DOK6: variants seen among roughly 807,000 people sequenced by gnomAD.
The protein encoded by DOK6 is docking protein 6.
In DOK6, 22 loss-of-function variants were observed where a neutral mutation model predicts 44.0. That is an observed-to-expected ratio of 0.50 (90% confidence interval 0.36 to 0.71). DOK6 has a LOEUF of 0.71. Among genes scored for constraint, DOK6 ranks in the 30% least tolerant of loss-of-function variants. DOK6 has a pLI of 0.00. For missense variants in DOK6, 340 were observed against 416.4 expected (o/e 0.82, Z 1.60); for synonymous variants, 166 against 145.5 (o/e 1.14, Z -1.01).
intron 2 of DOK6, among the ~76,000 whole-genome samples, chr18:69,588,703 G>T (rs1442937436): frequency 3.3e-5 from 5 of 152,106 alleles, no homozygotes; most frequent in African/African-American, 1.2e-4. Context: ...AACAAAATCA[G>T]GTTCTGGTAA....
chr18:69,680,819 G>C (rs1296530316), intron 4 of DOK6, among the ~76,000 whole-genome samples: 3 of 152,180 alleles, frequency 2.0e-5, no homozygotes, highest in Non-Finnish European at 4.4e-5. Flanking sequence ...GGAGTAGGTA[G>C]CTATTTCTTA....
intron 1 of DOK6, among the ~76,000 whole-genome samples, chr18:69,407,130 C>T (rs1220272734): frequency 6.6e-6 from 1 of 152,180 alleles, no homozygotes; most frequent in Non-Finnish European, 1.5e-5. Context: ...TAAATGTCAT[C>T]TTTTCAAAGT....
At chr18:69,714,914 G>A (rs1441149275) in intron 5 of DOK6, among the ~76,000 whole-genome samples, 1 of 152,142 alleles carries the variant, frequency 6.6e-6, no homozygotes, top group Non-Finnish European at 1.5e-5. Flanking sequence ...TGAACAATAT[G>A]TATATGCAGA....
intron 7 of DOK6, among the ~76,000 whole-genome samples, chr18:69,785,055 T>TG (rs1980389583): frequency 6.6e-6 from 1 of 152,166 alleles, no homozygotes; most frequent in African/African-American, 2.4e-5. Context: ...GGATGGCAAA[T>TG]GACGGTCTGT....
intron 7 of DOK6, among the ~76,000 whole-genome samples, chr18:69,829,243 G>A (rs908175130): frequency 1.4e-4 from 15 of 107,052 alleles, no homozygotes; most frequent in African/African-American, 4.1e-4. Context: ...GAGAGACTTT[G>A]GTTCCTTAAT....
At chr18:69,757,968 T>C in intron 7 of DOK6, 95 bp downstream of exon 7, 2 of 1,030,672 alleles carry the variant, frequency 1.9e-6, no homozygotes, top group Non-Finnish European at 3.0e-6. Context: ...TTGCTTGCTT[T>C]TCCTCCCATT....
intron 5 of DOK6, among the ~76,000 whole-genome samples, chr18:69,700,223 A>ATATATATATATATATATG (rs1352580724): frequency 6.8e-6 from 1 of 147,246 alleles, no homozygotes; most frequent in Non-Finnish European, 1.5e-5. Flanking sequence ...ATACATATAT[A>ATATATATATATATATATG]TATATATATA....
At chr18:69,620,360 A>T (rs1205814276) in intron 3 of DOK6, among the ~76,000 whole-genome samples, 1 of 152,176 alleles carries the variant, frequency 6.6e-6, no homozygotes, top group Non-Finnish European at 1.5e-5. Context: ...TCATTTCACA[A>T]TTACACAAGG....
chr18:69,412,968 A>G (rs780744901), intron 1 of DOK6, among the ~76,000 whole-genome samples: 1 of 152,114 alleles, frequency 6.6e-6, no homozygotes, highest in Non-Finnish European at 1.5e-5. Context: ...TACTGGATCA[A>G]TGTAATGACA....
At chr18:69,621,909 A>T (rs1018786855) in intron 3 of DOK6, among the ~76,000 whole-genome samples, 44 of 152,194 alleles carry the variant, frequency 2.9e-4, no homozygotes, top group African/African-American at 8.2e-4. Flanking sequence ...TTTTAAAATA[A>T]TGTAATTAAA....
chr18:69,835,804 C>T (rs1426148018), intron 7 of DOK6, among the ~76,000 whole-genome samples: 1 of 152,086 alleles, frequency 6.6e-6, no homozygotes, highest in Non-Finnish European at 1.5e-5. Flanking sequence ...AGGGACAGTA[C>T]CCTTTTATCT....
intron 1 of DOK6, among the ~76,000 whole-genome samples, chr18:69,497,507 A>G (rs998398487): frequency 2.2e-4 from 34 of 152,154 alleles, no homozygotes; most frequent in African/African-American, 8.0e-4. Context: ...TGGTCTGTGG[A>G]ACGGTGATGT....
chr18:69,715,670 C>G (rs1986866605), intron 5 of DOK6, among the ~76,000 whole-genome samples: 1 of 152,216 alleles, frequency 6.6e-6, no homozygotes, highest in South Asian at 2.1e-4. Flanking sequence ...ATAAAGGACT[C>G]TCTCTAAAGT....
chr18:69,766,237 A>G (rs1000574959), intron 7 of DOK6, among the ~76,000 whole-genome samples: 1 of 152,228 alleles, frequency 6.6e-6, no homozygotes, highest in African/African-American at 2.4e-5. Flanking sequence ...AAGTATGGCC[A>G]TAGTAGACAC....
chr18:69,739,829 A>G (rs1331873260), intron 6 of DOK6, among the ~76,000 whole-genome samples: 2 of 152,192 alleles, frequency 1.3e-5, no homozygotes, highest in African/African-American at 4.8e-5. Context: ...GAGTTCATCT[A>G]TAGAAGGACA....
chr18:69,559,190 A>G lies in DOK6; in HGVS notation c.67-5297A>G, dbSNP rs188727745. Among the ~76,000 whole-genome samples, 3 of 152,292 alleles carry G rather than the reference A, an allele frequency of 2.0e-5. 1 individual carries two copies. Among genetic ancestry groups the G allele is most frequent in the Admixed American group, 2.0e-4 (3 of 15,290 alleles). ...CAATATTGAGTGCCTACATAGAAAT[A>G]TGCCTTCTGGCTCATGTTTAACTCA... On this transcript the variant is annotated intron_variant, in intron 1 of 7. Coordinates refer to ENST00000382713, the MANE Select transcript of DOK6 (RefSeq NM_152721.6).
intron 1 of DOK6, among the ~76,000 whole-genome samples, chr18:69,433,890 A>G (rs187408216): frequency 2.1e-4 from 32 of 152,300 alleles, no homozygotes; most frequent in Admixed American, 1.3e-3. Flanking sequence ...CTTTTTCACT[A>G]CAGATTTTCT....
intron 3 of DOK6, among the ~76,000 whole-genome samples, chr18:69,606,496 G>A (rs575646741): frequency 1.3e-5 from 2 of 151,816 alleles, no homozygotes; most frequent in African/African-American, 4.8e-5. Flanking sequence ...GTGGTACAAG[G>A]CAAGGATGTT....
intron 5 of DOK6, among the ~76,000 whole-genome samples, chr18:69,716,967 T>C (rs1599282473): frequency 6.6e-6 from 1 of 152,236 alleles, no homozygotes; most frequent in Admixed American, 6.5e-5. Context: ...TTTCACCCAG[T>C]GTAATGCTTT....
Sources: allele counts gnomAD v4.1 joint callset (sites outside exome capture counted in the v4.1 genomes callset), GRCh38; gene constraint gnomAD v4.1.1; transcripts MANE v1.5; gene names NCBI Gene and HGNC (gene_info 2026-07-23, HGNC 2026-07-21).